SDHC: variants seen among roughly 807,000 people sequenced by gnomAD.
SDHC encodes the protein succinate dehydrogenase complex subunit C.
SDHC carries 11 observed loss-of-function variants against 22.6 expected under a neutral mutation model. That is an observed-to-expected ratio of 0.49 (90% CI 0.31 to 0.81). The LOEUF is 0.81. SDHC is among the 30% of genes least tolerant of loss of function. SDHC has a pLI of 0.05. For missense variants in SDHC, 160 were observed against 212.0 expected, an observed-to-expected ratio of 0.75 and a Z score of 1.52; for synonymous variants, 80 against 77.8, an observed-to-expected ratio of 1.03 and a Z score of -0.15.
chr1:161,351,524 T>C (rs1032505456), intron 4 of SDHC, among the ~76,000 whole-genome samples: 4 of 152,364 alleles, frequency 2.6e-5, no homozygotes, highest in Non-Finnish European at 4.4e-5. Flanking sequence ...GTTAATCTTA[T>C]ACCTCTCAGA....
chr1:161,333,680 G>A lies in SDHC; in HGVS notation c.179+5183G>A, dbSNP rs377512290. ...GCGTCCCAAAGTGCTGGGATTACAG[G>A]CATGAGCCACGGCATCCGGCCTATG... On this transcript the variant is annotated intron_variant, in intron 3 of 5. Transcript: ENST00000367975. 1.2e-4 allele frequency among the ~76,000 whole-genome samples: 19 copies of A among 152,280 alleles called. No individual in the cohort carries two copies. The East Asian group carries it at 3.1e-3, about 25-fold the overall frequency.
At chr1:161,338,905 G>A (rs1205889405) in intron 3 of SDHC, among the ~76,000 whole-genome samples, 1 of 152,076 alleles carries the variant, frequency 6.6e-6, no homozygotes, top group Non-Finnish European at 1.5e-5. Context: ...CTGGAGTGCA[G>A]TGGCGTGATC....
intron 4 of SDHC, among the ~76,000 whole-genome samples, chr1:161,344,118 CT>C (rs1671811809): frequency 6.6e-6 from 1 of 151,744 alleles, no homozygotes; most frequent in Admixed American, 6.6e-5. Context: ...AACCCCGTCT[CT>C]ACTAAAAAAA....
chr1:161,353,381 C>T (rs74127657), intron 4 of SDHC, among the ~76,000 whole-genome samples: 17,812 of 152,100 alleles, frequency 0.12, 1,418 homozygotes, highest in African/African-American at 0.22. Flanking sequence ...GAGCTTTGTG[C>T]TGGCACTGAA....
At chr1:161,355,984 CAAAAAAAAAA>C (rs60684612) in intron 4 of SDHC, among the ~76,000 whole-genome samples, 3 of 88,370 alleles carry the variant, frequency 3.4e-5, no homozygotes, top group South Asian at 3.4e-4. Flanking sequence ...GACTCTGTCT[CAAAAAAAAAA>C]AAAAAAAAAA....
intron 3 of SDHC, among the ~76,000 whole-genome samples, chr1:161,333,329 CAT>C (rs1671352047): frequency 6.6e-6 from 1 of 150,978 alleles, no homozygotes; most frequent in African/African-American, 2.4e-5. Context: ...TTTGTGTGCA[CAT>C]ATGTTTCATT....
chr1:161,337,183 A>G (rs1001067956), intron 3 of SDHC, among the ~76,000 whole-genome samples: 1 of 151,368 alleles, frequency 6.6e-6, no homozygotes, highest in African/African-American at 2.4e-5. Flanking sequence ...GCCTGCCCAC[A>G]TCTTGATTTT....
intron 1 of SDHC, among the ~76,000 whole-genome samples, chr1:161,321,055 G>A (rs1177686899): frequency 6.6e-6 from 1 of 152,084 alleles, no homozygotes; most frequent in Admixed American, 6.6e-5. Flanking sequence ...TTGATCTCCT[G>A]ACCTTGTGAT....
chr1:161,335,220 C>T (rs1671430030), intron 3 of SDHC, among the ~76,000 whole-genome samples: 1 of 152,176 alleles, frequency 6.6e-6, no homozygotes, highest in Non-Finnish European at 1.5e-5. Flanking sequence ...TATCAGGAGG[C>T]ATGTGCTAAT....
intron 2 of SDHC, among the ~76,000 whole-genome samples, chr1:161,327,291 G>A (rs970390364): frequency 7.9e-5 from 12 of 152,140 alleles, no homozygotes; most frequent in African/African-American, 2.9e-4. Flanking sequence ...GCCTACATGC[G>A]GGGGACCAGA....
intron 5 of SDHC, among the ~76,000 whole-genome samples, chr1:161,358,530 G>A (rs999659230): frequency 1.3e-5 from 2 of 151,976 alleles, no homozygotes; most frequent in Non-Finnish European, 2.9e-5. Context: ...CCAGCTACCC[G>A]TAAGGCTGAG....
chr1:161,326,234 G>A (rs1370083710), intron 2 of SDHC, among the ~76,000 whole-genome samples: 1 of 151,728 alleles, frequency 6.6e-6, no homozygotes, highest in East Asian at 1.9e-4. Context: ...GTTATCGTCT[G>A]ATATGACCTC....
chr1:161,318,180 A>G (rs1292000646), intron 1 of SDHC, among the ~76,000 whole-genome samples: 1 of 152,116 alleles, frequency 6.6e-6, no homozygotes, highest in Admixed American at 6.5e-5. Flanking sequence ...TCAAAAAAAA[A>G]AAAATTGTAC....
At position 161,339,660 on chromosome 1, in the gene SDHC, G is replaced by GTTTTTTTT. The variant is rs1395849863; in HGVS notation, c.180-933_180-932insTTTTTTTT. Reference sequence around the variant, plus strand: ...TTTTTGTAACCTAATCCTGATACAGGTGTTTTTTTTTTTTTTTTTTTTTTT... The same window carrying GTTTTTTTT: ...TTTTTGTAACCTAATCCTGATACAGGTTTTTTTTTGTTTTTTTTTTTTTTTTTTTTTTT... On this transcript the variant is annotated intron_variant, in intron 3 of 5. Transcript: ENST00000367975. The GTTTTTTTT allele has an allele frequency of 3.4e-5, 3 of 87,218 alleles. 1 individual carries two copies. The highest frequency in any genetic ancestry group is 6.6e-5 in the Non-Finnish European group (3 of 45,426). 5.4% of individuals were successfully genotyped at this position (87,218 alleles called of 1,614,324 possible). A position where few individuals can be genotyped will look rare whatever the true frequency, so the allele number is the denominator to read the frequency against.
intron 1 of SDHC, among the ~76,000 whole-genome samples, chr1:161,319,891 G>T (rs1354443480): frequency 6.6e-6 from 1 of 151,916 alleles, no homozygotes; most frequent in Non-Finnish European, 1.5e-5. Context: ...AATTACAGTG[G>T]ATTGAAAGGA....
intron 3 of SDHC, among the ~76,000 whole-genome samples, chr1:161,334,974 A>C (rs762210786): frequency 6.6e-6 from 1 of 152,198 alleles, no homozygotes; most frequent in Non-Finnish European, 1.5e-5. Context: ...AAATTTTGCC[A>C]CTTGTCCCAT....
intron 3 of SDHC, among the ~76,000 whole-genome samples, chr1:161,335,348 G>A (rs554541542): frequency 2.6e-5 from 4 of 152,004 alleles, no homozygotes; most frequent in Non-Finnish European, 4.4e-5. Flanking sequence ...ATATTTTGGC[G>A]GGAGATACTT....
intron 3 of SDHC, among the ~76,000 whole-genome samples, chr1:161,336,782 T>C (rs1357367858): frequency 6.6e-6 from 1 of 152,214 alleles, no homozygotes. Context: ...AAATGGTTAG[T>C]GATGTTAAAC....
chr1:161,358,290 AT>A (rs879944373), intron 5 of SDHC, among the ~76,000 whole-genome samples: 197 of 143,312 alleles, frequency 1.4e-3, no homozygotes, highest in Non-Finnish European at 1.3e-3. Flanking sequence ...CACCCAGCAA[AT>A]TTTTTTTTTT....
Sources: gnomAD v4.1 joint callset for allele counts (sites outside exome capture counted in the v4.1 genomes callset) on GRCh38, gnomAD v4.1.1 for gene constraint, MANE v1.5 for transcripts, NCBI Gene and HGNC (gene_info 2026-07-23, HGNC 2026-07-21) for gene names.